Variants in RAB27B observed in about 807,000 individuals in gnomAD.
RAB27B encodes RAB27B, member RAS oncogene family, also known as ras-related protein Rab-27B.
A neutral mutation model predicts 24.6 loss-of-function variants in RAB27B; 15 were observed. That is an observed-to-expected ratio of 0.61 (90% CI 0.41 to 0.94). The LOEUF is 0.94. RAB27B is among the 40% of genes least tolerant of loss of function. The pLI, the probability that RAB27B is intolerant of heterozygous loss-of-function variation, is 0.00. For synonymous variants in RAB27B, 105 were observed against 92.5 expected (o/e 1.14, Z -0.78); for missense variants, 261 against 266.8 (o/e 0.98, Z 0.15).
intron 2 of RAB27B, among the ~76,000 whole-genome samples, chr18:54,738,443 G>A (rs1909968335): frequency 6.6e-6 from 1 of 152,048 alleles, no homozygotes; most frequent in South Asian, 2.1e-4. Context: ...GAGATCTGAT[G>A]GTTTTTTAAG....
chr18:54,888,080 C>T lies in RAB27B; in HGVS notation c.429C>T (p.Val143=). 1 of 1,612,926 alleles carries T rather than the reference C, an allele frequency of 6.2e-7. No homozygotes were observed. The highest frequency in any genetic ancestry group is 8.5e-7 in the Non-Finnish European group (1 of 1,179,326). Residue 143 remains valine (V), a synonymous_variant, in exon 5 of 6, where the codon GTC becomes GTT. Transcript: ENST00000262094. ...NKADLPDQRE[V]NERQARELAD... ...CAGACCTACCAGATCAGAGGGAAGT[C>T]AATGAACGGCAAGCTCGGGAACTGG... is the stretch of plus-strand genomic sequence containing the variant.
intron 1 of RAB27B, among the ~76,000 whole-genome samples, chr18:54,833,538 T>C (rs1449792558): frequency 1.3e-5 from 2 of 152,190 alleles, no homozygotes; most frequent in Non-Finnish European, 2.9e-5. Context: ...TGAATCCCTC[T>C]TCTTTCTACA....
At chr18:54,791,098 G>A (rs909770474) in intron 2 of RAB27B, among the ~76,000 whole-genome samples, 1 of 151,926 alleles carries the variant, frequency 6.6e-6, no homozygotes, top group Non-Finnish European at 1.5e-5. Flanking sequence ...ATCCAAGAAG[G>A]TATTATTTGT....
At chr18:54,729,409 A>T (rs1909659962) in intron 2 of RAB27B, among the ~76,000 whole-genome samples, 1 of 152,210 alleles carries the variant, frequency 6.6e-6, no homozygotes, top group Non-Finnish European at 1.5e-5. Context: ...CCCAAGAAGG[A>T]TATCTAGAAA....
intron 2 of RAB27B, among the ~76,000 whole-genome samples, chr18:54,722,932 A>C (rs144493052): frequency 5.0e-3 from 758 of 152,358 alleles, no homozygotes; most frequent in Admixed American, 5.6e-3. Context: ...ATTTGAAGCT[A>C]CTTTATCAAA....
At chr18:54,786,242 C>G (rs185475937) in intron 2 of RAB27B, among the ~76,000 whole-genome samples, 4 of 152,278 alleles carry the variant, frequency 2.6e-5, no homozygotes, top group East Asian at 3.9e-4. Flanking sequence ...CTGAATAATT[C>G]TAACCAATTC....
intron 2 of RAB27B, among the ~76,000 whole-genome samples, chr18:54,756,032 T>A (rs960445667): frequency 6.6e-6 from 1 of 152,232 alleles, no homozygotes; most frequent in African/African-American, 2.4e-5. Flanking sequence ...GTATTTTCTA[T>A]CTGCAGTTTA....
chr18:54,779,258 C>A (rs562038878), intron 2 of RAB27B, among the ~76,000 whole-genome samples: 6 of 152,286 alleles, frequency 3.9e-5, no homozygotes, highest in Non-Finnish European at 8.8e-5. Context: ...CACCATTGAG[C>A]AATATAAGAA....
At chr18:54,744,934 C>T (rs986192617) in intron 2 of RAB27B, 9 of 206,850 alleles carry the variant, frequency 4.4e-5, no homozygotes, top group Non-Finnish European at 5.1e-5. Context: ...GCTGGTGGCT[C>T]ATGCCATCAT....
intron 2 of RAB27B, among the ~76,000 whole-genome samples, chr18:54,774,443 G>A (rs1455263061): frequency 6.6e-6 from 1 of 152,166 alleles, no homozygotes; most frequent in Non-Finnish European, 1.5e-5. Flanking sequence ...ACTGACTCAG[G>A]TTACATGGTT....
At chr18:54,869,610 G>T (rs1030256003) in intron 1 of RAB27B, among the ~76,000 whole-genome samples, 1 of 152,174 alleles carries the variant, frequency 6.6e-6, no homozygotes, top group African/African-American at 2.4e-5. Flanking sequence ...TTAGAAGATA[G>T]AGCAGTGCTG....
At chr18:54,760,208 C>T (rs572126602) in intron 2 of RAB27B, among the ~76,000 whole-genome samples, 1 of 152,266 alleles carries the variant, frequency 6.6e-6, no homozygotes, top group Non-Finnish European at 1.5e-5. Context: ...CCTATGATCT[C>T]CCCATCCTGT....
intron 2 of RAB27B, among the ~76,000 whole-genome samples, chr18:54,787,592 C>T (rs1028506828): frequency 2.6e-5 from 4 of 152,066 alleles, no homozygotes; most frequent in Admixed American, 1.3e-4. Flanking sequence ...CACACAAACA[C>T]AGAAGCAGAG....
chr18:54,849,407 C>T (rs1911464824), intron 1 of RAB27B, among the ~76,000 whole-genome samples: 1 of 152,116 alleles, frequency 6.6e-6, no homozygotes, highest in South Asian at 2.1e-4. Flanking sequence ...CACTCTGCAC[C>T]AGCACCTGCA....
At chr18:54,727,969 A>G (rs1345788639) in intron 2 of RAB27B, among the ~76,000 whole-genome samples, 1 of 152,128 alleles carries the variant, frequency 6.6e-6, no homozygotes, top group Non-Finnish European at 1.5e-5. Context: ...ACAGCTAAAA[A>G]CTCTGCATAA....
chr18:54,855,001 A>G (rs1385909131), intron 1 of RAB27B, among the ~76,000 whole-genome samples: 1 of 152,202 alleles, frequency 6.6e-6, no homozygotes, highest in Admixed American at 6.5e-5. Flanking sequence ...TATATAATGA[A>G]ATAATTGTAC....
In RAB27B at chr18:54,816,359, G is replaced by A. The variant is rs1194276819; in HGVS notation, c.-19-61208G>A. On this transcript the variant is annotated intron_variant, in intron 2 of 4. Coordinates refer to the RAB27B transcript ENST00000586570. ...GGGGTTAGGGGTTGAATTCAATTTC[G>A]AGATATTTCGCAAATTTCCAATATT... Among the ~76,000 whole-genome samples the A allele has an allele frequency of 4.6e-5, 7 of 152,124 alleles. No individual in the cohort carries two copies. In the South Asian group the frequency reaches 6.2e-4, roughly 13 times the overall value.
intron 2 of RAB27B, among the ~76,000 whole-genome samples, chr18:54,726,452 C>T: frequency 6.6e-6 from 1 of 151,562 alleles, no homozygotes; most frequent in East Asian, 1.9e-4. Context: ...GCCTTTTAAA[C>T]TAGCCTGAGT....
chr18:54,876,108 G>A (rs1196948682), intron 1 of RAB27B, among the ~76,000 whole-genome samples: 3 of 152,032 alleles, frequency 2.0e-5, no homozygotes, highest in Admixed American at 1.3e-4. Flanking sequence ...GGAAAGCTAG[G>A]CACCTTCTTC....
Sources: gnomAD v4.1 joint callset for allele counts (sites outside exome capture counted in the v4.1 genomes callset) on GRCh38, gnomAD v4.1.1 for gene constraint, MANE v1.5 for transcripts, NCBI Gene and HGNC (gene_info 2026-07-23, HGNC 2026-07-21) for gene names.